Variants in TET1 observed in about 807,000 individuals in gnomAD.
TET1 encodes the protein tet methylcytosine dioxygenase 1, also known as methylcytosine dioxygenase TET1.
A neutral mutation model predicts 148.7 loss-of-function variants in TET1; 13 were observed. The observed-to-expected ratio is 0.09, with a 90% confidence interval of 0.06 to 0.14. TET1 has a LOEUF of 0.14. Ranked by LOEUF, TET1 falls within the 10% of genes least tolerant of loss-of-function variation. TET1 has a pLI of 1.00. For synonymous variants in TET1, 907 were observed against 937.2 expected, an observed-to-expected ratio of 0.97 and a Z score of 0.59; for missense variants, 2,182 against 2,553.8, an observed-to-expected ratio of 0.85 and a Z score of 3.14.
intron 1 of TET1, among the ~76,000 whole-genome samples, chr10:68,570,552 T>G (rs2053657991): frequency 6.6e-6 from 1 of 152,138 alleles, no homozygotes; most frequent in Non-Finnish European, 1.5e-5. Flanking sequence ...ATTAATTCAC[T>G]TGGGATATTT....
intron 2 of TET1, among the ~76,000 whole-genome samples, chr10:68,577,967 T>C (rs1279855456): frequency 6.6e-6 from 1 of 152,158 alleles, no homozygotes; most frequent in Non-Finnish European, 1.5e-5. Context: ...TGACAGAGCC[T>C]GACCCTGTCT....
intron 7 of TET1, among the ~76,000 whole-genome samples, chr10:68,672,219 C>T (rs1206608950): frequency 6.6e-6 from 1 of 151,810 alleles, no homozygotes; most frequent in Non-Finnish European, 1.5e-5. Flanking sequence ...AGGTTCTGTC[C>T]AGGCTCAGTG....
chr10:68,633,286 G>C (rs2133037293), intron 3 of TET1, among the ~76,000 whole-genome samples: 1 of 152,052 alleles, frequency 6.6e-6, no homozygotes, highest in South Asian at 2.1e-4. Context: ...AAACTAGTGT[G>C]ATTTAATCTT....
chr10:68,644,980 T>C lies in TET1; in HGVS notation c.2251T>C (p.Leu751=), dbSNP rs1251925001. ...CAAGAAACGAACCAAATCTCCAAAA[T>C]TGTTTGTACAAACCGTAAGAAATGG... is the stretch of plus-strand genomic sequence containing the variant. ...VDKKRTKSPK[L]FVQTVRNGIK... is the part of the protein sequence containing the mutation. The change falls in exon 4 of 12, where the codon TTG becomes CTG. Residue 751 remains leucine (L), a synonymous_variant. Transcript: ENST00000373644. 3 of 1,613,512 alleles carry C rather than the reference T, an allele frequency of 1.9e-6. No homozygotes were observed. The highest frequency in any genetic ancestry group is 2.5e-6 in the Non-Finnish European group (3 of 1,179,802).
chr10:68,627,627 T>C (rs916764060), intron 3 of TET1, among the ~76,000 whole-genome samples: 18 of 151,012 alleles, frequency 1.2e-4, no homozygotes, highest in Non-Finnish European at 1.5e-5. Context: ...TCAATCACCA[T>C]GCAGTTAAGA....
chr10:68,569,607 T>G (rs1025860125), intron 1 of TET1, among the ~76,000 whole-genome samples: 1 of 151,836 alleles, frequency 6.6e-6, no homozygotes, highest in Non-Finnish European at 1.5e-5. Context: ...TTGTAAAGAT[T>G]GGGATTTAAG....
At chr10:68,631,165 A>G (rs951631676) in intron 3 of TET1, among the ~76,000 whole-genome samples, 51 of 152,334 alleles carry the variant, frequency 3.3e-4, no homozygotes, top group African/African-American at 1.2e-3. Flanking sequence ...AATAGTGCCA[A>G]ACTTTGTCAC....
chr10:68,607,836 A>T (rs984834017), intron 3 of TET1, among the ~76,000 whole-genome samples: 1 of 142,562 alleles, frequency 7.0e-6, no homozygotes, highest in South Asian at 2.1e-4. Context: ...GTTTATATAT[A>T]TAAATATAAA....
intron 11 of TET1, among the ~76,000 whole-genome samples, chr10:68,688,117 G>A (rs1483180396): frequency 4.6e-5 from 7 of 152,050 alleles, no homozygotes. Flanking sequence ...TATATTTTGA[G>A]TCAGAGTCTC....
intron 3 of TET1, among the ~76,000 whole-genome samples, chr10:68,610,853 GC>G (rs1238486796): frequency 6.6e-6 from 1 of 151,970 alleles, no homozygotes; most frequent in Non-Finnish European, 1.5e-5. Context: ...ATGAGGTTTT[GC>G]CATGTTACCC....
At chr10:68,683,723 G>GTTTAAAACTAGTTTGA (rs2055471465) in intron 10 of TET1, among the ~76,000 whole-genome samples, 2 of 152,150 alleles carry the variant, frequency 1.3e-5, no homozygotes, top group Non-Finnish European at 2.9e-5. Flanking sequence ...ATTTTTTAAA[G>GTTTAAAACTAGTTTGA]TAACAATTCT....
intron 3 of TET1, among the ~76,000 whole-genome samples, chr10:68,619,455 T>C (rs1159212598): frequency 6.6e-6 from 1 of 152,096 alleles, no homozygotes; most frequent in Non-Finnish European, 1.5e-5. Flanking sequence ...GCTCAAGTAA[T>C]CTAGCCCCCT....
chr10:68,601,552 A>G (rs1158447156), intron 3 of TET1, among the ~76,000 whole-genome samples: 1 of 152,176 alleles, frequency 6.6e-6, no homozygotes, highest in Non-Finnish European at 1.5e-5. Flanking sequence ...ATCATCTTTA[A>G]TTTTGGCTTT....
At chr10:68,565,478 ATAT>A (rs2053598428) in intron 1 of TET1, among the ~76,000 whole-genome samples, 4 of 65,224 alleles carry the variant, frequency 6.1e-5, no homozygotes, top group Admixed American at 3.0e-4. Context: ...AAAAAAAAAT[ATAT>A]ATATATATAT....
intron 3 of TET1, among the ~76,000 whole-genome samples, chr10:68,634,025 C>T (rs1023861741): frequency 2.6e-5 from 4 of 152,154 alleles, no homozygotes; most frequent in Non-Finnish European, 4.4e-5. Context: ...GCTAGGACTT[C>T]AGGCACGCAC....
rs2055625377 is a variant in TET1 at position 68,694,055 on chromosome 10, A to T, written c.*2241A>T. 4.3e-6 allele frequency: 1 copy of T among 231,786 alleles called. No individual in the cohort carries two copies. Among genetic ancestry groups the T allele is most frequent in the African/African-American group, 2.2e-5 (1 of 45,310 alleles). 14.4% of individuals were successfully genotyped at this position (231,786 alleles called of 1,614,324 possible). A position where few individuals can be genotyped will look rare whatever the true frequency, so the allele number is the denominator to read the frequency against. ...TAGCAAATTATCTTCAGTATAATCC[A>T]TGGTAATGTATGCAGTAATTCAAAT... is the stretch of plus-strand genomic sequence containing the variant. On this transcript the variant is annotated 3_prime_UTR_variant, in exon 12 of 12. Coordinates refer to ENST00000373644, the MANE Select transcript of TET1 (RefSeq NM_030625.3).
At chr10:68,667,327 C>A in intron 7 of TET1, 71 bp downstream of exon 7, 1 of 1,261,758 alleles carries the variant, frequency 7.9e-7, no homozygotes, top group South Asian at 1.5e-5. Context: ...TGTTAATTAG[C>A]TACCAACTAT....
intron 2 of TET1, among the ~76,000 whole-genome samples, chr10:68,595,653 G>A (rs190487071): frequency 2.8e-3 from 283 of 100,678 alleles, no homozygotes; most frequent in African/African-American, 0.01. Flanking sequence ...GTCTCATTAT[G>A]TCACCCAGGC....
At chr10:68,690,241 A>G (rs1037914759) in intron 11 of TET1, among the ~76,000 whole-genome samples, 2 of 152,224 alleles carry the variant, frequency 1.3e-5, no homozygotes, top group Non-Finnish European at 2.9e-5. Context: ...TACTATTTCA[A>G]ACAATGAACA....
Sources: allele counts gnomAD v4.1 joint callset (sites outside exome capture counted in the v4.1 genomes callset), GRCh38; gene constraint gnomAD v4.1.1; transcripts MANE v1.5; gene names NCBI Gene and HGNC (gene_info 2026-07-23, HGNC 2026-07-21).